ZNF804B: variants seen among roughly 807,000 people sequenced by gnomAD.
ZNF804B encodes zinc finger protein 804B.
ZNF804B carries 80 observed loss-of-function variants against 101.4 expected under a neutral mutation model. The observed-to-expected ratio is 0.79, with a 90% confidence interval of 0.66 to 0.95. ZNF804B has a LOEUF of 0.95. ZNF804B is among the 40% of genes least tolerant of loss of function. The pLI is 0.00. For missense variants in ZNF804B, 1,673 were observed against 1,561.9 expected, an observed-to-expected ratio of 1.07 and a Z score of -1.20; for synonymous variants, 622 against 558.8, an observed-to-expected ratio of 1.11 and a Z score of -1.59.
At chr7:89,282,524 T>C (rs1790116293) in intron 2 of ZNF804B, among the ~76,000 whole-genome samples, 1 of 152,102 alleles carries the variant, frequency 6.6e-6, no homozygotes, top group Non-Finnish European at 1.5e-5. Flanking sequence ...AATCAAATAA[T>C]AAATGTGATG....
At chr7:88,901,586 C>T (rs1792391310) in intron 1 of ZNF804B, among the ~76,000 whole-genome samples, 1 of 151,468 alleles carries the variant, frequency 6.6e-6, no homozygotes, top group African/African-American at 2.4e-5. Flanking sequence ...TCTCTGCCAT[C>T]ACTCATCTAG....
intron 1 of ZNF804B, among the ~76,000 whole-genome samples, chr7:88,825,772 A>T (rs1161636681): frequency 6.6e-6 from 1 of 152,062 alleles, no homozygotes; most frequent in African/African-American, 2.4e-5. Flanking sequence ...GCTCAGTTCC[A>T]TCTGTACCTG....
At chr7:88,828,585 T>C (rs3915194) in intron 1 of ZNF804B, among the ~76,000 whole-genome samples, 69,603 of 151,950 alleles carry the variant, frequency 0.46, 16,851 homozygotes, top group East Asian at 0.81. Context: ...TGGCCACATA[T>C]AAAGCACTCA....
chr7:89,247,660 T>C (rs1562927509), intron 2 of ZNF804B, among the ~76,000 whole-genome samples: 1 of 152,084 alleles, frequency 6.6e-6, no homozygotes, highest in Non-Finnish European at 1.5e-5. Context: ...AGTCTCCAGA[T>C]GACAAGGAAC....
rs192463152 is a variant in ZNF804B at position 89,038,380 on chromosome 7, A to T, written c.109-179775A>T. ...CAAAACGAGTGTGAGGTGATATCTC[A>T]TTGTGGTTTTAATGCATATTTCTCT... On this transcript the variant is annotated intron_variant, in intron 1 of 3. Coordinates refer to ENST00000333190, the MANE Select transcript of ZNF804B (RefSeq NM_181646.5). Among the ~76,000 whole-genome samples the T allele has an allele frequency of 2.3e-3, 348 of 152,228 alleles. 2 individuals carry two copies. The highest frequency in any genetic ancestry group is 8.0e-3 in the African/African-American group (333 of 41,544).
At chr7:88,967,021 A>G (rs1793464797) in intron 1 of ZNF804B, among the ~76,000 whole-genome samples, 1 of 151,336 alleles carries the variant, frequency 6.6e-6, no homozygotes, top group Admixed American at 6.6e-5. Flanking sequence ...AACTCTGGGA[A>G]ACACCAGGCT....
intron 1 of ZNF804B, among the ~76,000 whole-genome samples, chr7:89,149,304 A>G (rs1338831143): frequency 2.6e-5 from 4 of 152,126 alleles, no homozygotes; most frequent in African/African-American, 4.8e-5. Flanking sequence ...TGTCTTTGCA[A>G]GTAGGATCCA....
chr7:89,054,530 A>G (rs1789260948), intron 1 of ZNF804B, among the ~76,000 whole-genome samples: 1 of 151,948 alleles, frequency 6.6e-6, no homozygotes, highest in Non-Finnish European at 1.5e-5. Context: ...ACTTCTAAGG[A>G]AATGATTGTG....
At chr7:89,191,040 A>G (rs992978425) in intron 1 of ZNF804B, among the ~76,000 whole-genome samples, 1 of 152,132 alleles carries the variant, frequency 6.6e-6, no homozygotes, top group Non-Finnish European at 1.5e-5. Flanking sequence ...AACTGAACCA[A>G]TGATATCTCC....
intron 1 of ZNF804B, among the ~76,000 whole-genome samples, chr7:89,073,950 T>C (rs1024160362): frequency 4.6e-5 from 7 of 152,132 alleles, no homozygotes; most frequent in Non-Finnish European, 4.4e-5. Context: ...CCAGAGCTTG[T>C]CATAGTACTA....
chr7:89,272,173 T>C (rs979727097), intron 2 of ZNF804B, among the ~76,000 whole-genome samples: 1 of 152,196 alleles, frequency 6.6e-6, no homozygotes, highest in East Asian at 1.9e-4. Context: ...TGCGCTCATA[T>C]TGTTCTTTCT....
At chr7:89,249,733 A>G (rs1163813221) in intron 2 of ZNF804B, among the ~76,000 whole-genome samples, 4 of 152,202 alleles carry the variant, frequency 2.6e-5, no homozygotes, top group Admixed American at 6.5e-5. Context: ...AGGAAATAAA[A>G]AACAAGAACA....
chr7:89,004,838 A>G (rs1322616647), intron 1 of ZNF804B, among the ~76,000 whole-genome samples: 5 of 151,740 alleles, frequency 3.3e-5, no homozygotes, highest in Admixed American at 2.0e-4. Flanking sequence ...CACCATCTTC[A>G]TTTTTCTGAC....
chr7:89,095,144 G>A (rs1048926670), intron 1 of ZNF804B, among the ~76,000 whole-genome samples: 3 of 152,100 alleles, frequency 2.0e-5, no homozygotes, highest in Admixed American at 6.5e-5. Flanking sequence ...AGAAGCATGA[G>A]CCCTCCACCT....
chr7:89,185,173 G>A (rs1233068076), intron 1 of ZNF804B, among the ~76,000 whole-genome samples: 1 of 152,190 alleles, frequency 6.6e-6, no homozygotes, highest in East Asian at 1.9e-4. Context: ...TACCATATAT[G>A]TGAACAGATC....
intron 1 of ZNF804B, among the ~76,000 whole-genome samples, chr7:88,851,661 A>G (rs901340295): frequency 2.0e-5 from 3 of 152,128 alleles, no homozygotes; most frequent in African/African-American, 7.2e-5. Context: ...ACATTACCAC[A>G]TGGAAATATG....
At chr7:89,242,315 A>G (rs1789384384) in intron 2 of ZNF804B, among the ~76,000 whole-genome samples, 1 of 151,980 alleles carries the variant, frequency 6.6e-6, no homozygotes, top group Non-Finnish European at 1.5e-5. Flanking sequence ...TTAATTGAAT[A>G]AATTGGTACA....
At chr7:88,898,548 T>C (rs1281871829) in intron 1 of ZNF804B, among the ~76,000 whole-genome samples, 1 of 152,028 alleles carries the variant, frequency 6.6e-6, no homozygotes, top group Non-Finnish European at 1.5e-5. Context: ...GGAATCCAAA[T>C]ATAGTTATCA....
chr7:89,258,754 AAAGT>A (rs147672074), intron 2 of ZNF804B, among the ~76,000 whole-genome samples: 5,048 of 152,294 alleles, frequency 0.033, 110 homozygotes, highest in Non-Finnish European at 0.048. Context: ...TTCTTACAAT[AAAGT>A]AAGCTAGAGA....
Sources: gnomAD v4.1 joint callset for allele counts (sites outside exome capture counted in the v4.1 genomes callset) on GRCh38, gnomAD v4.1.1 for gene constraint, MANE v1.5 for transcripts, NCBI Gene and HGNC (gene_info 2026-07-23, HGNC 2026-07-21) for gene names.